RASGRF2: variants seen among roughly 807,000 people sequenced by gnomAD.
The protein encoded by RASGRF2 is Ras protein specific guanine nucleotide releasing factor 2.
In RASGRF2, 76 loss-of-function variants were observed where a neutral mutation model predicts 151.0. The ratio of observed to expected loss-of-function variants is 0.50; its 90% CI spans 0.42 to 0.61. RASGRF2 has a LOEUF of 0.61. Among genes scored for constraint, RASGRF2 ranks in the 20% least tolerant of loss-of-function variants. The pLI is 0.00. For synonymous variants in RASGRF2, 504 were observed against 566.5 expected, an observed-to-expected ratio of 0.89 and a Z score of 1.57; for missense variants, 1,148 against 1,564.6, an observed-to-expected ratio of 0.73 and a Z score of 4.49.
At chr5:81,086,690 G>A (rs1752236656) in intron 8 of RASGRF2, 145 bp from the exon 9 acceptor site, 1 of 655,858 alleles carries the variant, frequency 1.5e-6, no homozygotes, top group South Asian at 1.9e-5. Flanking sequence ...TTGAAGCCTG[G>A]AAAGATCCAG....
intron 17 of RASGRF2, among the ~76,000 whole-genome samples, chr5:81,163,857 A>G (rs1341851045): frequency 1.3e-5 from 2 of 152,220 alleles, no homozygotes; most frequent in African/African-American, 2.4e-5. Flanking sequence ...TCACATCATC[A>G]TTGATGTGAA....
intron 1 of RASGRF2, among the ~76,000 whole-genome samples, chr5:81,020,412 G>A (rs1749786129): frequency 6.6e-6 from 1 of 152,156 alleles, no homozygotes; most frequent in African/African-American, 2.4e-5. Context: ...GCATGTGACT[G>A]TGTAGTCATC....
chr5:80,966,270 G>A (rs1030469953), intron 1 of RASGRF2, among the ~76,000 whole-genome samples: 1 of 151,870 alleles, frequency 6.6e-6, no homozygotes, highest in African/African-American at 2.4e-5. Context: ...CTATAATTTG[G>A]GGAGCTTTAT....
chr5:81,144,603 A>C (rs1753960989), intron 17 of RASGRF2, among the ~76,000 whole-genome samples: 1 of 152,254 alleles, frequency 6.6e-6, no homozygotes, highest in African/African-American at 2.4e-5. Flanking sequence ...TATGCTGCCC[A>C]GATGGGCATT....
At chr5:81,065,926 G>A (rs1458649042) in intron 2 of RASGRF2, among the ~76,000 whole-genome samples, 2 of 152,098 alleles carry the variant, frequency 1.3e-5, no homozygotes, top group Admixed American at 1.3e-4. Context: ...AAAGACCTTG[G>A]AAGCGCAGGG....
At chr5:81,011,315 T>G (rs1749453054) in intron 1 of RASGRF2, among the ~76,000 whole-genome samples, 1 of 152,240 alleles carries the variant, frequency 6.6e-6, no homozygotes, top group South Asian at 2.1e-4. Flanking sequence ...TATGACTGTG[T>G]TATAGTTTAT....
intron 1 of RASGRF2, among the ~76,000 whole-genome samples, chr5:80,976,965 G>T (rs1313848848): frequency 2.0e-5 from 3 of 152,106 alleles, no homozygotes; most frequent in African/African-American, 7.2e-5. Context: ...AATGAGAAGG[G>T]GTCCTTAGAT....
At chr5:81,019,901 G>A (rs1749771413) in intron 1 of RASGRF2, among the ~76,000 whole-genome samples, 1 of 152,174 alleles carries the variant, frequency 6.6e-6, no homozygotes, top group Admixed American at 6.5e-5. Context: ...AAGTGGCCTG[G>A]CAATACCATT....
chr5:81,095,067 G>T lies in RASGRF2; in HGVS notation c.1755+75G>T. 3.4e-6 allele frequency: 4 copies of T among 1,172,818 alleles called. No individual in the cohort carries two copies. The South Asian group carries it at 1.2e-4, about 34-fold the overall frequency. The allele number at this position is 1,172,818 out of a possible 1,614,324, so 72.7% of individuals were successfully genotyped here. A position where few individuals can be genotyped will look rare whatever the true frequency, so the allele number is the denominator to read the frequency against. ...AAACTTTTGGAGATAGTTTTTAGAG[G>T]TTTTTTATCTTTATTAAAAAATTAC... On this transcript the variant is annotated intron_variant, in intron 12 of 26. Transcript: ENST00000265080.
chr5:81,046,910 G>T (rs1750853065), intron 2 of RASGRF2, among the ~76,000 whole-genome samples: 1 of 152,122 alleles, frequency 6.6e-6, no homozygotes, highest in Non-Finnish European at 1.5e-5. Flanking sequence ...TCTTCCAAGG[G>T]TCTTCCCATC....
chr5:81,057,224 A>G (rs919036644), intron 2 of RASGRF2, among the ~76,000 whole-genome samples: 5 of 152,140 alleles, frequency 3.3e-5, no homozygotes, highest in African/African-American at 1.2e-4. Context: ...TCTTCCTAGC[A>G]TTGATGGTCT....
intron 19 of RASGRF2, among the ~76,000 whole-genome samples, chr5:81,203,356 A>G (rs911116753): frequency 4.6e-5 from 7 of 152,170 alleles, no homozygotes; most frequent in East Asian, 1.9e-4. Context: ...TTTGTTGCCA[A>G]TCCCCTCAAG....
At chr5:81,011,287 G>A (rs1749450567) in intron 1 of RASGRF2, among the ~76,000 whole-genome samples, 1 of 151,478 alleles carries the variant, frequency 6.6e-6, no homozygotes, top group Admixed American at 6.6e-5. Flanking sequence ...CTCATTCTTT[G>A]AAACTATTTA....
intron 17 of RASGRF2, among the ~76,000 whole-genome samples, chr5:81,154,953 TTG>T (rs1465003336): frequency 6.6e-6 from 1 of 152,206 alleles, no homozygotes; most frequent in Non-Finnish European, 1.5e-5. Flanking sequence ...TTATTATTTT[TTG>T]TCTTTTTGAT....
At chr5:81,155,280 A>G (rs189132820) in intron 17 of RASGRF2, among the ~76,000 whole-genome samples, 21 of 152,230 alleles carry the variant, frequency 1.4e-4, no homozygotes, top group South Asian at 4.1e-4. Flanking sequence ...TTCACAAAAG[A>G]CACCCTCAGA....
At chr5:81,183,413 T>A (rs2112680892) in intron 18 of RASGRF2, 2 of 656,364 alleles carry the variant, frequency 3.0e-6, no homozygotes, top group South Asian at 1.4e-4. Context: ...TCCAGAGAAA[T>A]AAGAATGCCC....
At chr5:81,144,621 A>G (rs566985848) in intron 17 of RASGRF2, among the ~76,000 whole-genome samples, 19 of 152,348 alleles carry the variant, frequency 1.2e-4, no homozygotes, top group Middle Eastern at 3.4e-3. Context: ...ATTTCTGTAT[A>G]TAAATTGAGT....
intron 1 of RASGRF2, 32 bp downstream of exon 1, chr5:80,961,058 G>C (rs1199031070): frequency 2.1e-6 from 3 of 1,417,768 alleles, no homozygotes; most frequent in African/African-American, 2.9e-5. Flanking sequence ...CGGTCTCCCA[G>C]CCTTGATCGC....
intron 18 of RASGRF2, among the ~76,000 whole-genome samples, chr5:81,189,282 A>G (rs1456467732): frequency 6.6e-6 from 1 of 152,182 alleles, no homozygotes; most frequent in South Asian, 2.1e-4. Context: ...GATGCTGCCC[A>G]CTGCTCAGGC....
Sources: allele counts gnomAD v4.1 joint callset (sites outside exome capture counted in the v4.1 genomes callset), GRCh38; gene constraint gnomAD v4.1.1; transcripts MANE v1.5; gene names NCBI Gene and HGNC (gene_info 2026-07-23, HGNC 2026-07-21).